The following ELP4 variants were observed in gnomAD, a reference collection of about 807,000 sequenced individuals.
The protein encoded by ELP4 is elongator acetyltransferase complex subunit 4, also known as elongator complex protein 4.
ELP4 carries 51 observed loss-of-function variants against 48.9 expected under a neutral mutation model. The ratio of observed to expected loss-of-function variants is 1.04; its 90% CI spans 0.83 to 1.32. The LOEUF is 1.32. Ranked by LOEUF, ELP4 falls within the 40% of genes most tolerant of loss-of-function variation. The probability of loss-of-function intolerance (pLI) is 0.00; values close to 1 mark genes in which losing one functional copy is unlikely to be tolerated. For synonymous variants in ELP4, 210 were observed against 189.2 expected (o/e 1.11, Z -0.90); for missense variants, 519 against 514.6 (o/e 1.01, Z -0.08).
chr11:31,760,973 T>C (rs1266388858), intron 9 of ELP4, among the ~76,000 whole-genome samples: 2 of 152,218 alleles, frequency 1.3e-5, no homozygotes, highest in African/African-American at 2.4e-5. Context: ...TAAATTTATT[T>C]TGAGTATTTT....
chr11:31,564,332 T>G (rs1453657617), intron 3 of ELP4, among the ~76,000 whole-genome samples: 3 of 152,144 alleles, frequency 2.0e-5, no homozygotes, highest in African/African-American at 7.2e-5. Context: ...GAGTAGATTT[T>G]TTTTCCAGAG....
At position 31,751,016 on chromosome 11, in the gene ELP4, G is replaced by A. The variant is rs1051979499; in HGVS notation, c.1144-32377G>A. ...CTCATTTTCAGTATCTTTGCATATA[G>A]ACTATAAAATGTTAAAGTCTGAAAG... On this transcript the variant is annotated intron_variant, in intron 9 of 9. Transcript: ENST00000640961. 2.0e-5 allele frequency among the ~76,000 whole-genome samples: 3 copies of A among 152,180 alleles called. 1 individual carries two copies. Among genetic ancestry groups the A allele is most frequent in the Admixed American group, 1.3e-4 (2 of 15,274 alleles).
chr11:31,536,195 G>T (rs1956498495), intron 2 of ELP4, among the ~76,000 whole-genome samples: 1 of 150,736 alleles, frequency 6.6e-6, no homozygotes, highest in East Asian at 1.9e-4. Flanking sequence ...TCAGTTTTTG[G>T]CTATTAAAAA....
intron 5 of ELP4, among the ~76,000 whole-genome samples, chr11:31,605,794 A>G (rs1050522046): frequency 3.3e-4 from 51 of 152,258 alleles, no homozygotes; most frequent in African/African-American, 1.2e-3. Flanking sequence ...AACTCATTAA[A>G]TTTTGCCAAC....
intron 3 of ELP4, among the ~76,000 whole-genome samples, chr11:31,554,236 C>T (rs1247122182): frequency 1.3e-5 from 2 of 152,092 alleles, no homozygotes; most frequent in Non-Finnish European, 2.9e-5. Context: ...CTTGAATCAT[C>T]CAGAAACCAT....
chr11:31,744,155 A>G (rs1947523502), intron 9 of ELP4, among the ~76,000 whole-genome samples: 2 of 152,198 alleles, frequency 1.3e-5, no homozygotes, highest in African/African-American at 4.8e-5. Context: ...AAATGGATAA[A>G]TTCCTCAACA....
intron 3 of ELP4, among the ~76,000 whole-genome samples, chr11:31,545,414 C>T (rs7925919): frequency 0.027 from 4,025 of 151,882 alleles, 167 homozygotes; most frequent in African/African-American, 0.092. Flanking sequence ...TAAAATGAAG[C>T]GAGAAGGGAA....
At chr11:31,685,124 G>A (rs574065734) in intron 9 of ELP4, among the ~76,000 whole-genome samples, 63 of 151,922 alleles carry the variant, frequency 4.1e-4, no homozygotes, top group Non-Finnish European at 6.6e-4. Flanking sequence ...AGGCCAAGGC[G>A]GGTGGATCAT....
At chr11:31,734,261 G>C (rs563323889) in intron 9 of ELP4, among the ~76,000 whole-genome samples, 2 of 152,180 alleles carry the variant, frequency 1.3e-5, no homozygotes, top group African/African-American at 2.4e-5. Flanking sequence ...CTAACATACT[G>C]TATGGTGAAA....
intron 3 of ELP4, among the ~76,000 whole-genome samples, chr11:31,542,900 T>C (rs1010199567): frequency 7.9e-5 from 12 of 152,200 alleles, no homozygotes; most frequent in African/African-American, 2.9e-4. Context: ...ATTATAAATA[T>C]TCAGTAAGCT....
At chr11:31,731,996 A>G (rs866807586) in intron 9 of ELP4, among the ~76,000 whole-genome samples, 5 of 152,194 alleles carry the variant, frequency 3.3e-5, no homozygotes, top group Admixed American at 6.5e-5. Flanking sequence ...AGACTCTCCT[A>G]GATATTCAGA....
At chr11:31,653,857 C>T (rs552755443) in intron 9 of ELP4, 26 of 151,662 alleles carry the variant, frequency 1.7e-4, no homozygotes, top group Middle Eastern at 3.4e-3. Flanking sequence ...GTAATTTTTG[C>T]TTCTTTAATA....
At chr11:31,544,136 C>G (rs531044880) in intron 3 of ELP4, among the ~76,000 whole-genome samples, 398 of 152,344 alleles carry the variant, frequency 2.6e-3, no homozygotes, top group Non-Finnish European at 3.1e-3. Context: ...TAGGGAGTGC[C>G]AGACAGTGGG....
intron 9 of ELP4, chr11:31,650,928 A>G (rs1420259289): frequency 6.6e-6 from 1 of 151,796 alleles, no homozygotes. Context: ...TTTTTTTTTA[A>G]CAAAGACATA....
chr11:31,545,824 A>G (rs1235504897), intron 3 of ELP4, among the ~76,000 whole-genome samples: 2 of 152,212 alleles, frequency 1.3e-5, no homozygotes, highest in African/African-American at 4.8e-5. Context: ...AGTGGGGGCC[A>G]ATATTGAACA....
intron 6 of ELP4, 60 bp downstream of exon 6, chr11:31,627,254 TGGG>T: frequency 2.8e-5 from 3 of 106,596 alleles, no homozygotes; most frequent in East Asian, 3.1e-4. Context: ...TCAAATTCTC[TGGG>T]GGGGGGGGCG....
At chr11:31,557,413 A>T (rs1170492192) in intron 3 of ELP4, among the ~76,000 whole-genome samples, 1 of 152,008 alleles carries the variant, frequency 6.6e-6, no homozygotes, top group Non-Finnish European at 1.5e-5. Context: ...GTAAAGTTTG[A>T]ATTATTATTA....
At chr11:31,714,580 T>C (rs1023111280) in intron 9 of ELP4, 2 of 398,356 alleles carry the variant, frequency 5.0e-6, no homozygotes, top group Non-Finnish European at 8.9e-6. Flanking sequence ...AAAATTGCTA[T>C]AATTTTAGTG....
chr11:31,533,780 A>G (rs984787298), intron 2 of ELP4, among the ~76,000 whole-genome samples: 5 of 152,088 alleles, frequency 3.3e-5, no homozygotes, highest in Non-Finnish European at 7.4e-5. Flanking sequence ...GTGAATGCAA[A>G]GAAATAAGAG....
Sources: gnomAD v4.1 joint callset for allele counts (sites outside exome capture counted in the v4.1 genomes callset) on GRCh38, gnomAD v4.1.1 for gene constraint, MANE v1.5 for transcripts, NCBI Gene and HGNC (gene_info 2026-07-23, HGNC 2026-07-21) for gene names.